Variants in ANXA10 observed in about 807,000 individuals in gnomAD.
The protein encoded by ANXA10 is annexin A10, also known as annexin 14.
ANXA10 carries 49 observed loss-of-function variants against 53.5 expected under a neutral mutation model. That is an observed-to-expected ratio of 0.92 (90% CI 0.73 to 1.16). The LOEUF (loss-of-function observed/expected upper bound fraction) is 1.16. ANXA10 is among the 50% of genes most tolerant of loss of function. The pLI is 0.00. For missense variants in ANXA10, 393 were observed against 394.4 expected (o/e 1.00, Z 0.03); for synonymous variants, 131 against 128.9 (o/e 1.02, Z -0.11).
intron 1 of ANXA10, among the ~76,000 whole-genome samples, chr4:168,098,052 CCATTAA>C (rs1404033816): frequency 1.3e-5 from 2 of 151,506 alleles, no homozygotes; most frequent in African/African-American, 4.9e-5. Context: ...TATGCTTATA[CCATTAA>C]CATTAATACA....
At chr4:168,097,997 G>C (rs775517893) in intron 1 of ANXA10, among the ~76,000 whole-genome samples, 11 of 151,878 alleles carry the variant, frequency 7.2e-5, no homozygotes, top group Non-Finnish European at 1.3e-4. Flanking sequence ...CTCTTGAATG[G>C]ACTAGTTTTT....
chr4:168,097,596 TA>T (rs1018211883), intron 1 of ANXA10, among the ~76,000 whole-genome samples: 2 of 151,344 alleles, frequency 1.3e-5, no homozygotes, highest in Admixed American at 6.6e-5. Context: ...AAAGGAAAGT[TA>T]AAAAAAAATT....
At chr4:168,115,980 C>A (rs1365937662) in intron 1 of ANXA10, among the ~76,000 whole-genome samples, 8 of 152,098 alleles carry the variant, frequency 5.3e-5, no homozygotes, top group African/African-American at 1.9e-4. Context: ...TATAAACATT[C>A]TCTGAGCTCG....
intron 1 of ANXA10, among the ~76,000 whole-genome samples, chr4:168,123,779 C>G (rs979740169): frequency 8.6e-5 from 13 of 151,882 alleles, no homozygotes; most frequent in African/African-American, 3.1e-4. Flanking sequence ...ATAACTCATT[C>G]TTTTCCCCAA....
chr4:168,156,263 T>C (rs1204471760), intron 3 of ANXA10, among the ~76,000 whole-genome samples: 3 of 24,422 alleles, frequency 1.2e-4, no homozygotes, highest in African/African-American at 4.1e-4. Flanking sequence ...ATATATAATG[T>C]ATATATTATA....
At chr4:168,109,677 A>T (rs4692852) in intron 1 of ANXA10, among the ~76,000 whole-genome samples, 82,880 of 151,798 alleles carry the variant, frequency 0.55, 22,986 homozygotes, top group Non-Finnish European at 0.6. Context: ...AGATCTTTTT[A>T]AAAAATAACT....
At chr4:168,160,439 A>G (rs1731761994) in intron 3 of ANXA10, among the ~76,000 whole-genome samples, 1 of 151,960 alleles carries the variant, frequency 6.6e-6, no homozygotes, top group Non-Finnish European at 1.5e-5. Flanking sequence ...TATGTACCAC[A>G]TTTTCTTTAT....
chr4:168,119,100 T>C (rs989516514), intron 1 of ANXA10, among the ~76,000 whole-genome samples: 12 of 152,218 alleles, frequency 7.9e-5, no homozygotes, highest in Admixed American at 2.6e-4. Flanking sequence ...TTCAACAATG[T>C]GTAAGATTCT....
At chr4:168,108,103 GA>G (rs1239339634) in intron 1 of ANXA10, among the ~76,000 whole-genome samples, 1 of 152,180 alleles carries the variant, frequency 6.6e-6, no homozygotes, top group Non-Finnish European at 1.5e-5. Flanking sequence ...GCACTGGTGA[GA>G]GTGTCTTTTA....
intron 3 of ANXA10, among the ~76,000 whole-genome samples, chr4:168,148,525 T>C (rs370910824): frequency 2.2e-4 from 33 of 152,352 alleles, no homozygotes; most frequent in East Asian, 1.3e-3. Flanking sequence ...TGCTAACCTA[T>C]GTTCACAATA....
chr4:168,165,389 C>CAAAAAAAAAAAAAAAAATAAAAAAAAA (rs1731859266), intron 6 of ANXA10, 63 bp downstream of exon 6: 2 of 378,318 alleles, frequency 5.3e-6, no homozygotes, highest in Non-Finnish European at 8.4e-6. Context: ...ATGTCATTGC[C>CAAAAAAAAAAAAAAAAATAAAAAAAAA]AAAAAAAAAA....
chr4:168,159,761 T>G (rs1731748713), intron 3 of ANXA10, among the ~76,000 whole-genome samples: 1 of 152,180 alleles, frequency 6.6e-6, no homozygotes, highest in Non-Finnish European at 1.5e-5. Flanking sequence ...TATTTTGTAT[T>G]TTCTCTCTTG....
chr4:168,150,585 C>T (rs558288361), intron 3 of ANXA10, among the ~76,000 whole-genome samples: 12 of 152,282 alleles, frequency 7.9e-5, no homozygotes, highest in Middle Eastern at 3.4e-3. Context: ...TTATGCAGAA[C>T]AGGGTGGCTG....
At chr4:168,179,147 T>A in intron 8 of ANXA10, 70 bp from the exon 9 acceptor site, 1 of 924,016 alleles carries the variant, frequency 1.1e-6, no homozygotes, top group Non-Finnish European at 1.7e-6. Context: ...ATTTTTACTA[T>A]GTGTAACAAT....
intron 6 of ANXA10, among the ~76,000 whole-genome samples, chr4:168,176,518 T>A (rs1484679517): frequency 6.6e-6 from 1 of 152,154 alleles, no homozygotes; most frequent in African/African-American, 2.4e-5. Flanking sequence ...AACAACTCAA[T>A]CTGGCAAGCT....
chr4:168,122,728 C>T (rs1460264357), intron 1 of ANXA10, among the ~76,000 whole-genome samples: 1 of 152,130 alleles, frequency 6.6e-6, no homozygotes, highest in Non-Finnish European at 1.5e-5. Context: ...CAGGTTGTCA[C>T]ACACTTTTAA....
chr4:168,171,437 C>T (rs1250576765), intron 6 of ANXA10, among the ~76,000 whole-genome samples: 1 of 152,154 alleles, frequency 6.6e-6, no homozygotes, highest in Non-Finnish European at 1.5e-5. Context: ...CTCTACCTCC[C>T]TATGCATCTT....
intron 6 of ANXA10, among the ~76,000 whole-genome samples, chr4:168,174,607 T>C (rs1027991331): frequency 2.6e-5 from 4 of 152,156 alleles, no homozygotes; most frequent in African/African-American, 4.8e-5. Flanking sequence ...GGCAGGAGCA[T>C]TGCCAGCCAC....
intron 6 of ANXA10, among the ~76,000 whole-genome samples, chr4:168,168,550 G>A (rs2149478372): frequency 6.6e-6 from 1 of 152,148 alleles, no homozygotes; most frequent in African/African-American, 2.4e-5. Context: ...CTCCCGAGTA[G>A]CTGGGATTAC....
Sources: gnomAD v4.1 joint callset for allele counts (sites outside exome capture counted in the v4.1 genomes callset) on GRCh38, gnomAD v4.1.1 for gene constraint, MANE v1.5 for transcripts, NCBI Gene and HGNC (gene_info 2026-07-23, HGNC 2026-07-21) for gene names.